Variants in PPP2R2B observed in about 807,000 individuals in gnomAD.
PPP2R2B encodes serine/threonine-protein phosphatase 2A 55 kDa regulatory subunit B beta isoform.
Under a neutral mutation model 46.0 loss-of-function variants are expected in PPP2R2B, and 5 were observed. That is an observed-to-expected ratio of 0.11 (90% CI 0.06 to 0.23). The LOEUF is 0.23. PPP2R2B is among the 10% of genes least tolerant of loss of function. PPP2R2B has a pLI of 1.00. For synonymous variants in PPP2R2B, 215 were observed against 206.7 expected, an observed-to-expected ratio of 1.04 and a Z score of -0.34; for missense variants, 367 against 575.0, an observed-to-expected ratio of 0.64 and a Z score of 3.70.
chr5:146,946,971 C>A (rs1764504059), intron 1 of PPP2R2B, among the ~76,000 whole-genome samples: 1 of 151,900 alleles, frequency 6.6e-6, no homozygotes, highest in African/African-American at 2.4e-5. Context: ...AGTCAAGGCT[C>A]AATCCTGCAT....
At chr5:147,050,713 C>T (rs1475674360) in intron 1 of PPP2R2B, among the ~76,000 whole-genome samples, 4 of 151,938 alleles carry the variant, frequency 2.6e-5, no homozygotes, top group Admixed American at 6.6e-5. Flanking sequence ...CATTGATATA[C>T]ACACGGTGAA....
intron 1 of PPP2R2B, among the ~76,000 whole-genome samples, chr5:147,034,197 T>C (rs1755929035): frequency 6.6e-6 from 1 of 152,188 alleles, no homozygotes; most frequent in Non-Finnish European, 1.5e-5. Flanking sequence ...TAGAAGATCC[T>C]CTCCCCTGGT....
At chr5:146,907,762 A>G (rs1763048949) in intron 1 of PPP2R2B, among the ~76,000 whole-genome samples, 1 of 151,934 alleles carries the variant, frequency 6.6e-6, no homozygotes, top group Admixed American at 6.6e-5. Flanking sequence ...ATCCTACACT[A>G]CTTTACTGTT....
chr5:146,854,902 C>T (rs1760560812), intron 2 of PPP2R2B, among the ~76,000 whole-genome samples: 1 of 152,146 alleles, frequency 6.6e-6, no homozygotes, highest in Non-Finnish European at 1.5e-5. Context: ...AACTGTCTCT[C>T]GCAGTTTTTA....
intron 6 of PPP2R2B, among the ~76,000 whole-genome samples, chr5:146,639,554 G>A (rs764659035): frequency 3.9e-5 from 6 of 152,092 alleles, no homozygotes; most frequent in Non-Finnish European, 7.4e-5. Flanking sequence ...CAGAGGGGCC[G>A]AGGTACTGTC....
At chr5:146,800,709 C>T (rs982357618) in intron 2 of PPP2R2B, among the ~76,000 whole-genome samples, 3 of 151,882 alleles carry the variant, frequency 2.0e-5, no homozygotes, top group Non-Finnish European at 4.4e-5. Context: ...TACTCCTGCC[C>T]TTCGGTCTAA....
Position 146,878,724 on chromosome 5 carries a change from C to T in PPP2R2B, c.-258G>A, listed in dbSNP as rs1223377488. ...ACCCTCACACCCACACGCGCGCACT[C>T]GCAGCTGCTGCTGCTGCTGCTGCTG... On this transcript the variant is annotated 5_prime_UTR_variant, in exon 1 of 10. Transcript: ENST00000394411. The surrounding 1 kb of genome is among the most constrained non-coding windows in gnomAD (Gnocchi z 4.5). The T allele has an allele frequency of 4.0e-6, 3 of 750,398 alleles. No individual in the cohort carries two copies. Among genetic ancestry groups the T allele is most frequent in the Non-Finnish European group, 5.0e-6 (3 of 602,022 alleles). The allele number at this position is 750,398 out of a possible 1,614,324, so 46.5% of individuals were successfully genotyped here.
intron 5 of PPP2R2B, among the ~76,000 whole-genome samples, chr5:146,657,251 A>G (rs563009922): frequency 6.6e-6 from 1 of 152,328 alleles, no homozygotes; most frequent in Admixed American, 6.5e-5. Flanking sequence ...TTTCACAGAG[A>G]AAAAACAACA....
At chr5:146,702,947 T>C (rs1399766533) in intron 2 of PPP2R2B, among the ~76,000 whole-genome samples, 1 of 152,188 alleles carries the variant, frequency 6.6e-6, no homozygotes, top group Admixed American at 6.5e-5. Flanking sequence ...CCAATGCCCA[T>C]GAATTGAGAA....
chr5:146,662,319 G>A (rs967908863), intron 5 of PPP2R2B, among the ~76,000 whole-genome samples: 2 of 152,172 alleles, frequency 1.3e-5, no homozygotes, highest in Non-Finnish European at 2.9e-5. Context: ...TCCATAGAAT[G>A]TCAGTTCTGC....
chr5:146,627,250 C>T (rs1402003263), intron 7 of PPP2R2B, among the ~76,000 whole-genome samples: 1 of 152,170 alleles, frequency 6.6e-6, no homozygotes, highest in Non-Finnish European at 1.5e-5. Flanking sequence ...GAAATAAATA[C>T]TGTTAATTAT....
At chr5:146,827,266 A>C (rs534693783) in intron 2 of PPP2R2B, among the ~76,000 whole-genome samples, 52 of 152,324 alleles carry the variant, frequency 3.4e-4, no homozygotes, top group Non-Finnish European at 6.8e-4. Flanking sequence ...TCCTAAGTGA[A>C]TTTATTTTAT....
chr5:146,652,825 T>C (rs1776068724), intron 5 of PPP2R2B, among the ~76,000 whole-genome samples: 1 of 152,148 alleles, frequency 6.6e-6, no homozygotes, highest in Admixed American at 6.6e-5. Context: ...GGATTTGCAA[T>C]GATTGTGATA....
At chr5:146,643,883 G>A (rs187095201) in intron 6 of PPP2R2B, among the ~76,000 whole-genome samples, 2 of 152,298 alleles carry the variant, frequency 1.3e-5, no homozygotes, top group Admixed American at 6.5e-5. Flanking sequence ...GCTTCCATAA[G>A]GACCATGCAG....
chr5:146,963,390 G>A (rs1479869285), intron 1 of PPP2R2B, among the ~76,000 whole-genome samples: 1 of 151,722 alleles, frequency 6.6e-6, no homozygotes, highest in East Asian at 1.9e-4. Context: ...AGGGTGAAGT[G>A]AGGTTTTTTC....
chr5:146,884,089 GTTTTTT>G (rs372611320), intron 1 of PPP2R2B, among the ~76,000 whole-genome samples: 6 of 104,690 alleles, frequency 5.7e-5, no homozygotes, highest in Admixed American at 5.1e-4. Context: ...TAAATTCAGG[GTTTTTT>G]TTTTTTTTTT....
intron 2 of PPP2R2B, among the ~76,000 whole-genome samples, chr5:147,066,889 T>G (rs1757429229): frequency 6.6e-6 from 1 of 152,102 alleles, no homozygotes; most frequent in Admixed American, 6.6e-5. Context: ...GCTGATGTGA[T>G]TAGCCTGGGT....
At chr5:146,813,777 T>C (rs1324300157) in intron 2 of PPP2R2B, among the ~76,000 whole-genome samples, 1 of 152,122 alleles carries the variant, frequency 6.6e-6, no homozygotes, top group Non-Finnish European at 1.5e-5. Flanking sequence ...GAGACTTGCT[T>C]AAGCAGCAGG....
intron 7 of PPP2R2B, among the ~76,000 whole-genome samples, chr5:146,627,839 C>A (rs1774162811): frequency 6.6e-6 from 1 of 152,174 alleles, no homozygotes; most frequent in African/African-American, 2.4e-5. Flanking sequence ...CTTTGGAGGA[C>A]AATGAAATTT....
Sources: allele counts gnomAD v4.1 joint callset (sites outside exome capture counted in the v4.1 genomes callset), GRCh38; gene constraint gnomAD v4.1.1; non-coding constraint Gnocchi (gnomAD v3.1); transcripts MANE v1.5; gene names NCBI Gene and HGNC (gene_info 2026-07-23, HGNC 2026-07-21).